NAP1L1: variants seen among roughly 807,000 people sequenced by gnomAD.
The protein encoded by NAP1L1 is nucleosome assembly protein 1-like 1.
A neutral mutation model predicts 58.9 loss-of-function variants in NAP1L1; 9 were observed. The observed-to-expected ratio is 0.15, with a 90% confidence interval of 0.09 to 0.27. The LOEUF (loss-of-function observed/expected upper bound fraction) is 0.27, where lower values mean the gene tolerates loss of function less well. Ranked by LOEUF, NAP1L1 falls within the 10% of genes least tolerant of loss-of-function variation. The pLI is 1.00. For synonymous variants in NAP1L1, 130 were observed against 138.3 expected, an observed-to-expected ratio of 0.94 and a Z score of 0.42; for missense variants, 302 against 458.8, an observed-to-expected ratio of 0.66 and a Z score of 3.12.
chr12:76,067,611 G>A, intron 3 of NAP1L1, 138 bp from the exon 4 acceptor site: 1 of 587,172 alleles, frequency 1.7e-6, no homozygotes, highest in Non-Finnish European at 3.0e-6. Context: ...AGACGGGCAG[G>A]GAAAGCTAAA....
intron 6 of NAP1L1, 21 bp downstream of exon 6, chr12:76,059,777 C>A: frequency 6.5e-7 from 1 of 1,529,280 alleles, no homozygotes; most frequent in South Asian, 1.2e-5. Context: ...AAAAACATAC[C>A]AAAATAAAGT....
intron 1 of NAP1L1, among the ~76,000 whole-genome samples, chr12:76,078,982 C>CAT (rs200623760): frequency 0.045 from 6,756 of 150,094 alleles, 245 homozygotes; most frequent in Non-Finnish European, 0.05. Flanking sequence ...ATAAAGAATC[C>CAT]ATATATATAT....
chr12:76,061,046 T>A (rs1175689139), intron 4 of NAP1L1: 1 of 445,646 alleles, frequency 2.2e-6, no homozygotes, highest in East Asian at 7.3e-5. Flanking sequence ...TGAGCAAGAT[T>A]GCACCACCAC....
Position 76,040,181 on chromosome 12 carries a change from G to A in NAP1L1, c.*8248C>T, listed in dbSNP as rs1448636427. ...TACAATATGTAATTTAAGCTTTGATGTCTTTGGTCATTTTGGAAAACGACT... is the reference window on the plus strand; with the variant it reads ...TACAATATGTAATTTAAGCTTTGATATCTTTGGTCATTTTGGAAAACGACT... On this transcript the variant is annotated 3_prime_UTR_variant, in exon 15 of 15. Coordinates refer to ENST00000618691, the MANE Select transcript of NAP1L1 (RefSeq NM_004537.7). 6.6e-6 allele frequency: 1 copy of A among 152,146 alleles called. No individual in the cohort carries two copies. 9.4% of individuals were successfully genotyped at this position (152,146 alleles called of 1,614,324 possible). A position where few individuals can be genotyped will look rare whatever the true frequency, so the allele number is the denominator to read the frequency against.
chr12:76,065,322 G>A (rs1949611672), intron 4 of NAP1L1, among the ~76,000 whole-genome samples: 1 of 151,620 alleles, frequency 6.6e-6, no homozygotes, highest in Non-Finnish European at 1.5e-5. Flanking sequence ...TTCATTCCCA[G>A]TATGAATAGA....
At chr12:76,077,997 A>AAG (rs1555186818) in intron 1 of NAP1L1, among the ~76,000 whole-genome samples, 3 of 150,736 alleles carry the variant, frequency 2.0e-5, no homozygotes, top group Admixed American at 6.6e-5. Flanking sequence ...AAAAAAAAAA[A>AAG]AAAAGGAAAA....
Position 76,045,552 on chromosome 12 carries a change from A to C in NAP1L1, c.*2877T>G, listed in dbSNP as rs1948593098. On this transcript the variant is annotated 3_prime_UTR_variant, in exon 15 of 15. Coordinates refer to ENST00000618691, the MANE Select transcript of NAP1L1 (RefSeq NM_004537.7). ...TCCTGATTAAGTGTGCTAAAACAGA[A>C]ATAGAGGTAGAATCCCATTTTTCTT... The C allele has an allele frequency of 6.6e-6, 1 of 152,096 alleles. No individual in the cohort carries two copies. Among genetic ancestry groups the C allele is most frequent in the Non-Finnish European group, 1.5e-5 (1 of 67,918 alleles). The allele number at this position is 152,096 out of a possible 1,614,324, so 9.4% of individuals were successfully genotyped here.
At chr12:76,050,001 A>C (rs1299096868) in intron 12 of NAP1L1, among the ~76,000 whole-genome samples, 2 of 152,196 alleles carry the variant, frequency 1.3e-5, no homozygotes, top group Non-Finnish European at 2.9e-5. Context: ...AATCATGTGG[A>C]TAAAGTGGAT....
intron 3 of NAP1L1, among the ~76,000 whole-genome samples, chr12:76,068,420 C>A (rs1008634363): frequency 6.6e-5 from 10 of 151,888 alleles, no homozygotes; most frequent in Non-Finnish European, 1.3e-4. Context: ...CAAGACATAC[C>A]CTAAGTAGTA....
At chr12:76,058,139 T>C in intron 6 of NAP1L1, 1 of 693,036 alleles carries the variant, frequency 1.4e-6, no homozygotes, top group South Asian at 1.4e-5. Flanking sequence ...TGAAAATTTG[T>C]CTGTAGTTAA....
At position 76,048,049 on chromosome 12, in the gene NAP1L1, C is replaced by A. The variant is rs563199037; in HGVS notation, c.*380G>T. The A allele has an allele frequency of 3.2e-4, 63 of 197,314 alleles. No homozygotes were observed. Among genetic ancestry groups the A allele is most frequent in the Admixed American group, 6.3e-4 (11 of 17,500 alleles). The allele number at this position is 197,314 out of a possible 1,614,324, so 12.2% of individuals were successfully genotyped here. A position where few individuals can be genotyped will look rare whatever the true frequency, so the allele number is the denominator to read the frequency against. ...CACAGCTAATCCAAGCGGACTTAAC[C>A]CTATTCAACAACCAGCTGAAAAAAT... On this transcript the variant is annotated 3_prime_UTR_variant, in exon 15 of 15. Coordinates refer to ENST00000618691, the MANE Select transcript of NAP1L1 (RefSeq NM_004537.7).
intron 4 of NAP1L1, among the ~76,000 whole-genome samples, chr12:76,064,784 T>C (rs536443752): frequency 2.1e-4 from 32 of 151,786 alleles, no homozygotes; most frequent in Non-Finnish European, 2.9e-4. Flanking sequence ...TTGAATAAAT[T>C]AGTATGTTTA....
chr12:76,075,335 T>G (rs1478613197), intron 1 of NAP1L1, among the ~76,000 whole-genome samples: 1 of 151,998 alleles, frequency 6.6e-6, no homozygotes, highest in Non-Finnish European at 1.5e-5. Context: ...ATAAATAGAA[T>G]CAAGTTATCT....
chr12:76,043,477 G>GGA lies in NAP1L1; in HGVS notation c.*4951_*4952insTC, dbSNP rs1555178402. 1.6e-5 allele frequency: 2 copies of GGA among 121,222 alleles called. No homozygotes were observed. Among genetic ancestry groups the GGA allele is most frequent in the African/African-American group, 6.3e-5 (2 of 31,558 alleles). 7.5% of individuals were successfully genotyped at this position (121,222 alleles called of 1,614,324 possible). On this transcript the variant is annotated 3_prime_UTR_variant, in exon 15 of 15. Transcript: ENST00000618691. ...GCAAATGAAGTAAGACCCTGTCTCA[G>GGA]AAAAAAAAAAAAAAAAAAAAATTTC... is the stretch of plus-strand genomic sequence containing the variant.
intron 4 of NAP1L1, among the ~76,000 whole-genome samples, chr12:76,066,999 A>G (rs1262770560): frequency 6.6e-6 from 1 of 151,954 alleles, no homozygotes; most frequent in East Asian, 1.9e-4. Flanking sequence ...TCTTAAAATC[A>G]CAAAAAAGTT....
chr12:76,062,819 A>G (rs1010942265), intron 4 of NAP1L1, among the ~76,000 whole-genome samples: 1 of 152,202 alleles, frequency 6.6e-6, no homozygotes, highest in African/African-American at 2.4e-5. Context: ...TCAGCATTAA[A>G]GCAATATAAA....
chr12:76,054,009 A>G (rs1948958978), intron 8 of NAP1L1, 100 bp from the exon 9 acceptor site: 6 of 1,241,976 alleles, frequency 4.8e-6, no homozygotes, highest in Non-Finnish European at 6.4e-6. Flanking sequence ...ATTCTAAATG[A>G]TAATTTTTTT....
chr12:76,070,215 C>G (rs946684730), intron 2 of NAP1L1, among the ~76,000 whole-genome samples: 6 of 152,110 alleles, frequency 3.9e-5, no homozygotes, highest in Non-Finnish European at 8.8e-5. Flanking sequence ...CTCTGCCCCC[C>G]AAGCTCAAGC....
chr12:76,070,981 T>A (rs2137069054), intron 2 of NAP1L1, among the ~76,000 whole-genome samples: 1 of 152,302 alleles, frequency 6.6e-6, no homozygotes, highest in African/African-American at 2.4e-5. Context: ...ACCAGCCTGA[T>A]TAACACAGTA....
Sources: allele counts gnomAD v4.1 joint callset (sites outside exome capture counted in the v4.1 genomes callset), GRCh38; gene constraint gnomAD v4.1.1; transcripts MANE v1.5; gene names NCBI Gene and HGNC (gene_info 2026-07-23, HGNC 2026-07-21).